The following PDE3B variants were observed in gnomAD, a reference collection of about 807,000 sequenced individuals.
PDE3B encodes cGMP-inhibited 3',5'-cyclic phosphodiesterase 3B.
In PDE3B, 66 loss-of-function variants were observed where a neutral mutation model predicts 116.8. That is an observed-to-expected ratio of 0.56 (90% CI 0.46 to 0.69). The LOEUF is 0.69. Ranked by LOEUF, PDE3B falls within the 30% of genes least tolerant of loss-of-function variation. The probability of loss-of-function intolerance (pLI) is 0.00; values close to 1 mark genes in which losing one functional copy is unlikely to be tolerated. For missense variants in PDE3B, 1,384 were observed against 1,368.1 expected (o/e 1.01, Z -0.18); for synonymous variants, 595 against 533.6 (o/e 1.12, Z -1.59).
chr11:14,733,548 C>A (rs1323356380), intron 1 of PDE3B, among the ~76,000 whole-genome samples: 1 of 152,184 alleles, frequency 6.6e-6, no homozygotes, highest in Non-Finnish European at 1.5e-5. Context: ...ACATGTTCTT[C>A]AAGCTAGGGT....
intron 1 of PDE3B, among the ~76,000 whole-genome samples, chr11:14,662,142 C>T (rs527241582): frequency 1.3e-5 from 2 of 152,312 alleles, no homozygotes; most frequent in South Asian, 4.1e-4. Context: ...GCAACATTCA[C>T]GGTTCACAAA....
intron 12 of PDE3B, among the ~76,000 whole-genome samples, chr11:14,855,697 GAGAC>G (rs1418424637): frequency 1.3e-5 from 2 of 152,104 alleles, no homozygotes; most frequent in Admixed American, 6.5e-5. Context: ...GAGACCAAGA[GAGAC>G]AGACAGAGAG....
intron 1 of PDE3B, among the ~76,000 whole-genome samples, chr11:14,722,394 G>T (rs1856143711): frequency 6.6e-6 from 1 of 151,870 alleles, no homozygotes; most frequent in Non-Finnish European, 1.5e-5. Context: ...GGCAGATAGA[G>T]TAAAAAAAAT....
intron 1 of PDE3B, among the ~76,000 whole-genome samples, chr11:14,711,289 C>G (rs1486767097): frequency 1.3e-5 from 2 of 152,146 alleles, no homozygotes; most frequent in East Asian, 1.9e-4. Flanking sequence ...TTATATGACT[C>G]TCAGATAGAG....
chr11:14,843,498 A>G (rs1847518851), intron 11 of PDE3B, among the ~76,000 whole-genome samples: 1 of 152,094 alleles, frequency 6.6e-6, no homozygotes, highest in African/African-American at 2.4e-5. Context: ...TATCCTGGCC[A>G]TTGTATCTAT....
At chr11:14,765,405 A>G (rs915722494) in intron 1 of PDE3B, among the ~76,000 whole-genome samples, 6 of 151,886 alleles carry the variant, frequency 4.0e-5, no homozygotes, top group African/African-American at 1.4e-4. Context: ...GTGGTTTTGT[A>G]GAGCTCCGTA....
Position 14,871,242 on chromosome 11 carries a change from A to G in PDE3B, c.*1582A>G, listed in dbSNP as rs766860102. 2.0e-5 allele frequency: 3 copies of G among 152,160 alleles called. No individual in the cohort carries two copies. The highest frequency in any genetic ancestry group is 4.4e-5 in the Non-Finnish European group (3 of 68,012). 9.4% of individuals were successfully genotyped at this position (152,160 alleles called of 1,614,324 possible). A position where few individuals can be genotyped will look rare whatever the true frequency, so the allele number is the denominator to read the frequency against. Reference sequence around the variant, plus strand: ...CAGTGTCAATATTTAATGAATCACTAAGCTTTATTTATTAGACGTGTTGAG... The same window carrying G: ...CAGTGTCAATATTTAATGAATCACTGAGCTTTATTTATTAGACGTGTTGAG... On this transcript the variant is annotated 3_prime_UTR_variant, in exon 16 of 16. Transcript: ENST00000282096.
chr11:14,767,688 G>C (rs1857532818), intron 1 of PDE3B, among the ~76,000 whole-genome samples: 1 of 151,306 alleles, frequency 6.6e-6, no homozygotes, highest in South Asian at 2.1e-4. Flanking sequence ...AAGTTTTTAA[G>C]ATAATAATGA....
chr11:14,667,840 A>G (rs889652588), intron 1 of PDE3B, among the ~76,000 whole-genome samples: 1 of 149,672 alleles, frequency 6.7e-6, no homozygotes, highest in Non-Finnish European at 1.5e-5. Context: ...AAGTATAATA[A>G]TAATAATAAT....
intron 1 of PDE3B, among the ~76,000 whole-genome samples, chr11:14,649,697 T>C (rs1004124881): frequency 6.6e-6 from 1 of 152,212 alleles, no homozygotes; most frequent in Admixed American, 6.5e-5. Flanking sequence ...AAACTTCTGA[T>C]ACAGTTATTT....
chr11:14,800,700 C>T (rs1044826924), intron 4 of PDE3B, among the ~76,000 whole-genome samples: 1 of 152,112 alleles, frequency 6.6e-6, no homozygotes, highest in Non-Finnish European at 1.5e-5. Context: ...TGAATGTTGG[C>T]CTGTCTTGTT....
intron 1 of PDE3B, among the ~76,000 whole-genome samples, chr11:14,757,465 C>T (rs1352851823): frequency 1.1e-4 from 17 of 151,744 alleles, no homozygotes; most frequent in African/African-American, 3.2e-4. Context: ...CTAGCACCTG[C>T]TGTTTCCTGA....
intron 15 of PDE3B, 152 bp from the exon 16 acceptor site, chr11:14,869,309 T>C: frequency 2.7e-6 from 1 of 372,348 alleles, no homozygotes; most frequent in Non-Finnish European, 4.6e-6. Context: ...TATAGTACTA[T>C]TTCATTATAT....
At chr11:14,805,870 A>C (rs1858903337) in intron 5 of PDE3B, among the ~76,000 whole-genome samples, 1 of 152,242 alleles carries the variant, frequency 6.6e-6, no homozygotes, top group Non-Finnish European at 1.5e-5. Context: ...ACATTTATGC[A>C]GCCAACAGAC....
At position 14,871,650 on chromosome 11, in the gene PDE3B, A is replaced by G. The variant is rs556689942; in HGVS notation, c.*1990A>G. The G allele has an allele frequency of 6.6e-6, 1 of 152,286 alleles. No individual in the cohort carries two copies. Among genetic ancestry groups the G allele is most frequent in the South Asian group, 2.1e-4 (1 of 4,824 alleles). The allele number at this position is 152,286 out of a possible 1,614,324, so 9.4% of individuals were successfully genotyped here. A position where few individuals can be genotyped will look rare whatever the true frequency, so the allele number is the denominator to read the frequency against. ...TACTGGACTTATTGGATTTAATTAT[A>G]AATCCAATTACTACTGGAAACTCAT... On this transcript the variant is annotated 3_prime_UTR_variant, in exon 16 of 16. Transcript: ENST00000282096.
At chr11:14,899,238 A>T in the PDE3B span, among the ~76,000 whole-genome samples, 1 of 152,136 alleles carries the variant, frequency 6.6e-6, no homozygotes, top group African/African-American at 2.4e-5. Context: ...CCTAAGTCTT[A>T]TCTTCAGGAA....
At chr11:14,780,374 AC>A (rs1456811939) in intron 2 of PDE3B, among the ~76,000 whole-genome samples, 6 of 152,236 alleles carry the variant, frequency 3.9e-5, no homozygotes, top group Admixed American at 3.9e-4. Context: ...TCTTCTCAGC[AC>A]CACATTGCAC....
intron 3 of PDE3B, among the ~76,000 whole-genome samples, chr11:14,787,462 T>C (rs1470145624): frequency 6.6e-6 from 1 of 151,974 alleles, no homozygotes; most frequent in African/African-American, 2.4e-5. Flanking sequence ...ATTTTGTCAA[T>C]TGTAATAATG....
chr11:14,655,486 C>T (rs533728256), intron 1 of PDE3B, among the ~76,000 whole-genome samples: 2 of 152,180 alleles, frequency 1.3e-5, no homozygotes, highest in South Asian at 4.1e-4. Flanking sequence ...CAGTTATTAG[C>T]CCCCTTTTTT....
Sources: gnomAD v4.1 joint callset for allele counts (sites outside exome capture counted in the v4.1 genomes callset) on GRCh38, gnomAD v4.1.1 for gene constraint, MANE v1.5 for transcripts, NCBI Gene and HGNC (gene_info 2026-07-23, HGNC 2026-07-21) for gene names.